Variants in UTS2B observed in about 807,000 individuals in gnomAD.
The protein encoded by UTS2B is urotensin 2B, also known as urotensin-2B.
In UTS2B, 21 loss-of-function variants were observed where a neutral mutation model predicts 19.2. The ratio of observed to expected loss-of-function variants is 1.09; its 90% CI spans 0.78 to 1.58. The LOEUF (loss-of-function observed/expected upper bound fraction) is 1.58, where lower values mean the gene tolerates loss of function less well. Among genes scored for constraint, UTS2B ranks in the 40% most tolerant of loss-of-function variants. The pLI is 0.00. For missense variants in UTS2B, 138 were observed against 130.3 expected, an observed-to-expected ratio of 1.06 and a Z score of -0.29; for synonymous variants, 57 against 50.2, an observed-to-expected ratio of 1.14 and a Z score of -0.58.
chr3:191,274,387 T>G (rs1259887416), intron 8 of UTS2B, among the ~76,000 whole-genome samples: 1 of 152,218 alleles, frequency 6.6e-6, no homozygotes, highest in African/African-American at 2.4e-5. Flanking sequence ...TTAAATTAAC[T>G]CATGTACTCC....
intron 4 of UTS2B, among the ~76,000 whole-genome samples, chr3:191,302,142 T>C (rs1271681051): frequency 2.0e-5 from 3 of 152,186 alleles, no homozygotes; most frequent in Non-Finnish European, 2.9e-5. Context: ...AAATTCAAGA[T>C]TGCGCTGAAA....
At chr3:191,324,948 G>T (rs552251229) in intron 2 of UTS2B, among the ~76,000 whole-genome samples, 1 of 152,284 alleles carries the variant, frequency 6.6e-6, no homozygotes, top group South Asian at 2.1e-4. Flanking sequence ...TACTTGGGAG[G>T]CTGAGGCATG....
chr3:191,299,188 T>C (rs1243678536), intron 4 of UTS2B, among the ~76,000 whole-genome samples: 1 of 152,238 alleles, frequency 6.6e-6, no homozygotes, highest in East Asian at 1.9e-4. Context: ...CTCCATTTTC[T>C]GGGTAGAATT....
the UTS2B span, among the ~76,000 whole-genome samples, chr3:191,341,193 G>T: frequency 6.6e-6 from 1 of 152,078 alleles, no homozygotes; most frequent in South Asian, 2.1e-4. Context: ...GACTTAGTGG[G>T]ACCTCACTAG....
chr3:191,342,683 A>AT, the UTS2B span, among the ~76,000 whole-genome samples: 1 of 152,180 alleles, frequency 6.6e-6, no homozygotes, highest in Non-Finnish European at 1.5e-5. Context: ...CTGCCAAACC[A>AT]TTTGAGGGCT....
At position 191,282,103 on chromosome 3, in the gene UTS2B, T is replaced by C; in HGVS notation, c.87A>G (p.Arg29=). 1 of 1,612,378 alleles carries C rather than the reference T, an allele frequency of 6.2e-7. No individual in the cohort carries two copies. The highest frequency in any genetic ancestry group is 8.5e-7 in the Non-Finnish European group (1 of 1,178,800). The part of the protein sequence containing the change: ...VLSFLQSVHG[R]PYLTQGNEIF... ...TGCACGTACCTTGGGTAAGATATGG[T>C]CGTCCATGCACAGATTGTAAAAAAC... The change falls in exon 5 of 9, where the codon CGA becomes CGG. Residue 29 remains arginine (R), a synonymous_variant. Coordinates refer to ENST00000340524, the MANE Select transcript of UTS2B (RefSeq NM_198152.5).
At chr3:191,342,899 T>C in the UTS2B span, among the ~76,000 whole-genome samples, 1 of 152,244 alleles carries the variant, frequency 6.6e-6, no homozygotes, top group Non-Finnish European at 1.5e-5. Context: ...GTGGCCTGTT[T>C]TTTTCGTAGA....
chr3:191,300,572 C>A (rs1225789834), intron 4 of UTS2B, among the ~76,000 whole-genome samples: 1 of 152,124 alleles, frequency 6.6e-6, no homozygotes, highest in Non-Finnish European at 1.5e-5. Flanking sequence ...GGCTGTATTG[C>A]AATGTGAGAA....
chr3:191,307,835 CTCT>C (rs1463774965), intron 3 of UTS2B, among the ~76,000 whole-genome samples: 3 of 136,786 alleles, frequency 2.2e-5, no homozygotes, highest in Non-Finnish European at 3.1e-5. Context: ...TCGTTTTCTT[CTCT>C]TTTTTTTTTT....
intron 4 of UTS2B, among the ~76,000 whole-genome samples, chr3:191,300,800 C>T (rs878942309): frequency 6.6e-6 from 1 of 152,202 alleles, no homozygotes; most frequent in Non-Finnish European, 1.5e-5. Flanking sequence ...CTTGCTCTTG[C>T]TCTGGCCATG....
At chr3:191,324,899 A>G (rs1576938763) in intron 2 of UTS2B, among the ~76,000 whole-genome samples, 1 of 151,972 alleles carries the variant, frequency 6.6e-6, no homozygotes, top group East Asian at 1.9e-4. Flanking sequence ...ATATGCAAAA[A>G]ATTTGCTGGG....
chr3:191,287,160 A>C (rs537955317), intron 4 of UTS2B, among the ~76,000 whole-genome samples: 1 of 152,260 alleles, frequency 6.6e-6, no homozygotes, highest in Non-Finnish European at 1.5e-5. Flanking sequence ...TGATAGCTTC[A>C]TTGCTGAATT....
chr3:191,278,576 ACACATT>A (rs1465558726), intron 5 of UTS2B, among the ~76,000 whole-genome samples: 3 of 152,056 alleles, frequency 2.0e-5, no homozygotes, highest in Non-Finnish European at 4.4e-5. Flanking sequence ...TATCTGATAT[ACACATT>A]TATATACACA....
the UTS2B span, among the ~76,000 whole-genome samples, chr3:191,339,298 C>T: frequency 6.6e-6 from 1 of 152,280 alleles, no homozygotes; most frequent in East Asian, 1.9e-4. Flanking sequence ...GAAGTTAACA[C>T]TGGTTAAAAA....
chr3:191,327,061 C>A (rs942389102), intron 2 of UTS2B, among the ~76,000 whole-genome samples: 4 of 152,188 alleles, frequency 2.6e-5, no homozygotes, highest in African/African-American at 7.2e-5. Flanking sequence ...GTAAGCACAT[C>A]ATATTTTAAG....
chr3:191,268,532 G>A, intron 8 of UTS2B, 91 bp from the exon 9 acceptor site: 1 of 878,566 alleles, frequency 1.1e-6, no homozygotes, highest in East Asian at 2.9e-5. Context: ...CTGAATGCGA[G>A]AGTTAAGTTT....
chr3:191,270,652 CTATA>C (rs1716067613), intron 8 of UTS2B, among the ~76,000 whole-genome samples: 1 of 151,898 alleles, frequency 6.6e-6, no homozygotes. Flanking sequence ...GGTTCCAGTT[CTATA>C]GTCATGTTTT....
chr3:191,342,294 T>C, the UTS2B span, among the ~76,000 whole-genome samples: 1 of 152,258 alleles, frequency 6.6e-6, no homozygotes, highest in African/African-American at 2.4e-5. Context: ...CCATGCCTGT[T>C]TATCCCATGA....
Position 191,278,144 on chromosome 3 carries a change from A to AT in UTS2B, c.129dup (p.Tyr44IlefsTer5). On this transcript the variant is annotated frameshift_variant, in exon 6 of 9. Coordinates refer to ENST00000340524, the MANE Select transcript of UTS2B (RefSeq NM_198152.5). LOFTEE classifies it high-confidence loss of function. ...AGCAATAGTTCCTCACGATTTGTAT[A>AT]TTTTTTATCTGGAAATATTTCATTT... 3 of 1,552,200 alleles carry AT rather than the reference A, an allele frequency of 1.9e-6. No homozygotes were observed. The highest frequency in any genetic ancestry group is 2.6e-6 in the Non-Finnish European group (3 of 1,152,180).
Sources: allele counts gnomAD v4.1 joint callset (sites outside exome capture counted in the v4.1 genomes callset), GRCh38; gene constraint gnomAD v4.1.1; transcripts MANE v1.5; gene names NCBI Gene and HGNC (gene_info 2026-07-23, HGNC 2026-07-21).